Variants in PPP3CB observed in about 807,000 individuals in gnomAD.
PPP3CB encodes the protein serine/threonine-protein phosphatase 2B catalytic subunit beta isoform.
In PPP3CB, 8 loss-of-function variants were observed where a neutral mutation model predicts 66.4. The observed-to-expected ratio is 0.12, with a 90% CI of 0.07 to 0.22. PPP3CB has a LOEUF of 0.22. Ranked by LOEUF, PPP3CB falls within the 10% of genes least tolerant of loss-of-function variation. The pLI, the probability that PPP3CB is intolerant of heterozygous loss-of-function variation, is 1.00. For missense variants in PPP3CB, 319 were observed against 642.5 expected (o/e 0.50, Z 5.44); for synonymous variants, 208 against 221.2 (o/e 0.94, Z 0.53).
chr10:73,465,781 TAGTC>T (rs1467396903), intron 9 of PPP3CB, among the ~76,000 whole-genome samples: 1 of 152,116 alleles, frequency 6.6e-6, no homozygotes, highest in Non-Finnish European at 1.5e-5. Flanking sequence ...CATCAAGAAG[TAGTC>T]AGGCTATCTA....
chr10:73,471,249 A>G (rs780385120), intron 5 of PPP3CB, 40 bp from the exon 6 acceptor site: 6 of 1,548,500 alleles, frequency 3.9e-6, no homozygotes, highest in Non-Finnish European at 4.4e-6. Flanking sequence ...GTAACTCATC[A>G]AAAAGTAAGG....
intron 9 of PPP3CB, among the ~76,000 whole-genome samples, chr10:73,466,152 G>A (rs1211179934): frequency 6.6e-6 from 1 of 152,104 alleles, no homozygotes; most frequent in Non-Finnish European, 1.5e-5. Flanking sequence ...AAAAGGAGTT[G>A]GGCTAAATGA....
rs759040022 is a variant in PPP3CB at position 73,440,947 on chromosome 10, C to T, written c.1367-1046G>A. 2.0e-5 allele frequency among the ~76,000 whole-genome samples: 3 copies of T among 152,168 alleles called. No individual in the cohort carries two copies. In the South Asian group the frequency reaches 6.2e-4, roughly 31 times the overall value. On this transcript the variant is annotated intron_variant, in intron 12 of 13. Transcript: ENST00000360663. ...GGGTTTGAACTGTATAAAGAGCTCACACTGAGGACCAGGACTCAAGATAGC... is the reference window on the plus strand; with the variant it reads ...GGGTTTGAACTGTATAAAGAGCTCATACTGAGGACCAGGACTCAAGATAGC...
chr10:73,442,529 A>G (rs2056165394), intron 12 of PPP3CB, among the ~76,000 whole-genome samples: 1 of 152,208 alleles, frequency 6.6e-6, no homozygotes, highest in African/African-American at 2.4e-5. Flanking sequence ...AACAAAGAAG[A>G]GTATAATATT....
chr10:73,448,198 A>G (rs1344065216), intron 10 of PPP3CB, among the ~76,000 whole-genome samples: 2 of 152,310 alleles, frequency 1.3e-5, no homozygotes, highest in African/African-American at 4.8e-5. Context: ...TTTAATTTCT[A>G]TATCTATAAA....
intron 1 of PPP3CB, among the ~76,000 whole-genome samples, chr10:73,490,398 C>T (rs2057052984): frequency 6.6e-6 from 1 of 152,124 alleles, no homozygotes; most frequent in African/African-American, 2.4e-5. Flanking sequence ...TGTTGTTCTC[C>T]TACAGTTTTG....
Position 73,467,594 on chromosome 10 carries a change from A to G in PPP3CB, c.1067T>C (p.Met356Thr), listed in dbSNP as rs766744885. 2 of 1,589,316 alleles carry G rather than the reference A, an allele frequency of 1.3e-6. No individual in the cohort carries two copies. Among genetic ancestry groups the G allele is most frequent in the South Asian group, 1.2e-5 (1 of 85,950 alleles). Reference sequence around the variant, plus strand: ...CGGTAAAGACCACGTGAAGACATCCATAAAATTAGGCAACCAGTAAGGATG... The same window carrying G: ...CGGTAAAGACCACGTGAAGACATCCGTAAAATTAGGCAACCAGTAAGGATG... ...SPHPYWLPNF[M>T]DVFTWSLPFV... Residue 356 changes from methionine to threonine, a missense_variant, in exon 9 of 14, where the codon ATG (methionine) becomes ACG (threonine). Met to Thr is a moderately conservative substitution (Grantham distance 81). Transcript: ENST00000360663.
intron 1 of PPP3CB, among the ~76,000 whole-genome samples, chr10:73,482,887 G>T (rs951834848): frequency 3.3e-5 from 5 of 152,046 alleles, no homozygotes; most frequent in African/African-American, 1.2e-4. Context: ...CTAAGTGTTG[G>T]GATTACAAGC....
intron 4 of PPP3CB, among the ~76,000 whole-genome samples, 154 bp downstream of exon 4, chr10:73,474,765 C>G (rs997094980): frequency 6.6e-6 from 1 of 152,086 alleles, no homozygotes; most frequent in African/African-American, 2.4e-5. Context: ...CCATTAAACA[C>G]CAGAGAGTGC....
chr10:73,437,403 A>T lies in PPP3CB; in HGVS notation c.*839T>A, dbSNP rs1223408198. The T allele has an allele frequency of 6.6e-6, 1 of 152,656 alleles. No individual in the cohort carries two copies. The highest frequency in any genetic ancestry group is 1.9e-4 in the East Asian group (1 of 5,206). 9.5% of individuals were successfully genotyped at this position (152,656 alleles called of 1,614,324 possible). ...CTATATATTAAATATTTGCAAAATGAAAACATGCATACACAAAATACGTCA... is the reference window on the plus strand; with the variant it reads ...CTATATATTAAATATTTGCAAAATGTAAACATGCATACACAAAATACGTCA... On this transcript the variant is annotated 3_prime_UTR_variant, in exon 14 of 14. Coordinates refer to ENST00000360663, the MANE Select transcript of PPP3CB (RefSeq NM_021132.4).
At chr10:73,439,516 T>C (rs2056113691) in intron 13 of PPP3CB, among the ~76,000 whole-genome samples, 1 of 152,058 alleles carries the variant, frequency 6.6e-6, no homozygotes, top group Admixed American at 6.5e-5. Flanking sequence ...TCATGCAAAA[T>C]ATGGAACAGA....
chr10:73,485,908 TTGTGTGTG>T (rs57190155), intron 1 of PPP3CB, among the ~76,000 whole-genome samples: 1,731 of 121,314 alleles, frequency 0.014, 20 homozygotes, highest in Middle Eastern at 0.021. Flanking sequence ...ACCTGGCTAA[TTGTGTGTG>T]TGTGTGTGTG....
intron 13 of PPP3CB, 115 bp from the exon 14 acceptor site, chr10:73,438,535 T>C (rs1224224916): frequency 3.5e-6 from 3 of 865,658 alleles, no homozygotes; most frequent in Admixed American, 4.8e-5. Context: ...TAGCAACACA[T>C]AAATCTTACT....
chr10:73,492,743 A>C (rs1425569825), intron 1 of PPP3CB, among the ~76,000 whole-genome samples: 1 of 152,178 alleles, frequency 6.6e-6, no homozygotes, highest in Non-Finnish European at 1.5e-5. Flanking sequence ...ATCAACCAAA[A>C]ACCTAATGAC....
chr10:73,455,380 C>T (rs1344004677), intron 9 of PPP3CB, among the ~76,000 whole-genome samples: 1 of 152,116 alleles, frequency 6.6e-6, no homozygotes, highest in Non-Finnish European at 1.5e-5. Context: ...GATCATTTTT[C>T]CCCAAAACTT....
intron 1 of PPP3CB, among the ~76,000 whole-genome samples, chr10:73,486,303 T>G (rs1177527686): frequency 2.0e-5 from 3 of 148,090 alleles, no homozygotes; most frequent in East Asian, 2.0e-4. Flanking sequence ...TGGTTTTTTT[T>G]TTTTTTTTTT....
chr10:73,495,092 A>T (rs180678477), intron 1 of PPP3CB, among the ~76,000 whole-genome samples: 370 of 152,256 alleles, frequency 2.4e-3, no homozygotes, highest in African/African-American at 8.4e-3. Context: ...TTTGTAAGGG[A>T]GGGGTAACTC....
intron 4 of PPP3CB, among the ~76,000 whole-genome samples, chr10:73,473,873 G>T (rs986598758): frequency 1.3e-5 from 2 of 151,926 alleles, no homozygotes; most frequent in African/African-American, 2.4e-5. Flanking sequence ...AAAATTTTAA[G>T]AAGAATTTCA....
intron 1 of PPP3CB, among the ~76,000 whole-genome samples, chr10:73,487,470 C>T (rs1285710636): frequency 6.7e-6 from 1 of 150,176 alleles, no homozygotes; most frequent in Admixed American, 6.7e-5. Flanking sequence ...GTTGCTTGAA[C>T]CTGGGAGGCA....
Sources: allele counts gnomAD v4.1 joint callset (sites outside exome capture counted in the v4.1 genomes callset), GRCh38; gene constraint gnomAD v4.1.1; transcripts MANE v1.5; gene names NCBI Gene and HGNC (gene_info 2026-07-23, HGNC 2026-07-21).